Variants in RPRD1A observed in about 807,000 individuals in gnomAD.
The protein encoded by RPRD1A is regulation of nuclear pre-mRNA domain-containing protein 1A.
In RPRD1A, 9 loss-of-function variants were observed where a neutral mutation model predicts 37.8. The ratio of observed to expected loss-of-function variants is 0.24; its 90% confidence interval spans 0.14 to 0.42. The LOEUF (loss-of-function observed/expected upper bound fraction) is 0.42. RPRD1A is among the 10% of genes least tolerant of loss of function. The pLI, the probability that RPRD1A is intolerant of heterozygous loss-of-function variation, is 1.00. For synonymous variants in RPRD1A, 138 were observed against 139.7 expected, an observed-to-expected ratio of 0.99 and a Z score of 0.08; for missense variants, 255 against 371.0, an observed-to-expected ratio of 0.69 and a Z score of 2.57.
intron 1 of RPRD1A, chr18:36,064,543 A>T (rs1461851203): frequency 1.3e-5 from 2 of 152,274 alleles, no homozygotes; most frequent in East Asian, 3.8e-4. Context: ...GTTTGTAAAC[A>T]CACCAATCAG....
intron 1 of RPRD1A, among the ~76,000 whole-genome samples, chr18:36,051,740 A>C (rs6507157): frequency 0.23 from 35,071 of 152,118 alleles, 4,087 homozygotes; most frequent in East Asian, 0.25. Flanking sequence ...GACACCATGG[A>C]TAATGTCAAA....
rs546003072 is a variant in RPRD1A, at chr18:36,052,366, G to T, written c.151+14888C>A. Among the ~76,000 whole-genome samples, 39 of 151,116 alleles carry T rather than the reference G, an allele frequency of 2.6e-4. No individual in the cohort carries two copies. In the East Asian group the frequency reaches 7.0e-3, roughly 27 times the overall value. On this transcript the variant is annotated intron_variant, in intron 1 of 6. Coordinates refer to ENST00000399022, the MANE Select transcript of RPRD1A (RefSeq NM_018170.5). Reference sequence around the variant, plus strand: ...GTAACTAGAAGCCATAAGAAATAACGAACATCAATAAAGGTAACTCCCTAA... The same window carrying T: ...GTAACTAGAAGCCATAAGAAATAACTAACATCAATAAAGGTAACTCCCTAA...
intron 1 of RPRD1A, among the ~76,000 whole-genome samples, chr18:36,055,202 C>G (rs1182506484): frequency 6.6e-6 from 1 of 152,116 alleles, no homozygotes; most frequent in African/African-American, 2.4e-5. Flanking sequence ...AAATACTGTC[C>G]TTGACAAAAA....
chr18:36,033,838 C>A lies in RPRD1A; in HGVS notation c.152-1G>T. On this transcript the variant is annotated splice_acceptor_variant, in intron 1 of 6. Coordinates refer to ENST00000399022, the MANE Select transcript of RPRD1A (RefSeq NM_018170.5). LOFTEE classifies it high-confidence loss of function. ...AAAGTAAGCTTCCTGTTTGGTTTGG[C>A]TGAAAAATAAGAAAAAGTTAAAAAT... The A allele has an allele frequency of 1.3e-6, 2 of 1,595,280 alleles. No individual in the cohort carries two copies. Among genetic ancestry groups the A allele is most frequent in the South Asian group, 1.1e-5 (1 of 87,952 alleles).
chr18:36,053,330 T>C (rs1006442521), intron 1 of RPRD1A, among the ~76,000 whole-genome samples: 1 of 152,224 alleles, frequency 6.6e-6, no homozygotes. Flanking sequence ...TAAGTAGTTA[T>C]TCCCCATTCC....
intron 1 of RPRD1A, among the ~76,000 whole-genome samples, chr18:36,037,488 C>T (rs1271667830): frequency 1.3e-5 from 2 of 152,208 alleles, no homozygotes; most frequent in Non-Finnish European, 2.9e-5. Context: ...TCAATTAAAT[C>T]TCTTTCCTTT....
intron 2 of RPRD1A, among the ~76,000 whole-genome samples, chr18:36,031,534 A>C (rs957361905): frequency 2.0e-5 from 3 of 152,208 alleles, no homozygotes; most frequent in Non-Finnish European, 4.4e-5. Flanking sequence ...AAAAGAGAAC[A>C]AAGTGCTTAA....
At chr18:36,015,741 T>C (rs994554540) in intron 6 of RPRD1A, among the ~76,000 whole-genome samples, 1 of 152,208 alleles carries the variant, frequency 6.6e-6, no homozygotes, top group African/African-American at 2.4e-5. Flanking sequence ...CTGTATGCTT[T>C]CCCTTATATA....
chr18:36,024,264 A>G (rs1271938547), intron 6 of RPRD1A, among the ~76,000 whole-genome samples: 1 of 151,124 alleles, frequency 6.6e-6, no homozygotes, highest in Admixed American at 6.6e-5. Flanking sequence ...CTGCTGCCTC[A>G]GCCTCCCAAG....
At chr18:36,040,784 G>A (rs1287793661) in intron 1 of RPRD1A, 4 of 1,433,320 alleles carry the variant, frequency 2.8e-6, no homozygotes, top group African/African-American at 2.9e-5. Context: ...TTACATAGAA[G>A]AAAAGTGTTT....
At chr18:36,054,986 G>A (rs989547392) in intron 1 of RPRD1A, among the ~76,000 whole-genome samples, 11 of 152,098 alleles carry the variant, frequency 7.2e-5, no homozygotes, top group Non-Finnish European at 1.5e-4. Flanking sequence ...CACTAGGGAG[G>A]GCATCTGTTT....
At chr18:36,002,710 G>GT (rs751279943) in intron 6 of RPRD1A, among the ~76,000 whole-genome samples, 2 of 152,172 alleles carry the variant, frequency 1.3e-5, no homozygotes, top group Non-Finnish European at 2.9e-5. Context: ...TGTGCCATAT[G>GT]TAAGTCTGGT....
intron 1 of RPRD1A, among the ~76,000 whole-genome samples, chr18:36,043,601 A>C (rs536348596): frequency 6.6e-6 from 1 of 152,216 alleles, no homozygotes; most frequent in Non-Finnish European, 1.5e-5. Flanking sequence ...TACACTGTCA[A>C]CTGGAACAGT....
At chr18:36,044,097 T>C (rs1162271075) in intron 1 of RPRD1A, among the ~76,000 whole-genome samples, 3 of 152,186 alleles carry the variant, frequency 2.0e-5, no homozygotes, top group Admixed American at 6.5e-5. Flanking sequence ...GGTGTTTTCA[T>C]CAAAAAGGTT....
intron 1 of RPRD1A, among the ~76,000 whole-genome samples, chr18:36,051,249 C>G (rs776924563): frequency 3.3e-4 from 50 of 152,210 alleles, no homozygotes; most frequent in Admixed American, 3.3e-4. Context: ...GACAAAAAAG[C>G]CTAAGTAGTA....
rs926476500 is a variant in RPRD1A, at chr18:36,046,697, G to A, written c.152-12860C>T. On this transcript the variant is annotated intron_variant, in intron 1 of 6. Coordinates refer to ENST00000399022, the MANE Select transcript of RPRD1A (RefSeq NM_018170.5). Reference sequence around the variant, plus strand: ...AAAAAAAAAACAAAATCAGCCAGGCGTGGTGACACACACCTGTAATCCCAG... The same window carrying A: ...AAAAAAAAAACAAAATCAGCCAGGCATGGTGACACACACCTGTAATCCCAG... 4.6e-5 allele frequency among the ~76,000 whole-genome samples: 7 copies of A among 151,684 alleles called. No individual in the cohort carries two copies. In the East Asian group the frequency reaches 5.8e-4, roughly 13 times the overall value.
intron 6 of RPRD1A, among the ~76,000 whole-genome samples, chr18:36,011,373 A>C (rs1208236814): frequency 6.6e-6 from 1 of 152,202 alleles, no homozygotes; most frequent in Non-Finnish European, 1.5e-5. Flanking sequence ...TTTAAGACCA[A>C]AGTCAACCAG....
chr18:36,043,201 G>C (rs529034447), intron 1 of RPRD1A, among the ~76,000 whole-genome samples: 5 of 139,760 alleles, frequency 3.6e-5, no homozygotes, highest in Admixed American at 7.2e-5. Context: ...AGAATCGGGG[G>C]GGGGGGAAGA....
chr18:36,066,295 C>T (rs1412097595), intron 1 of RPRD1A, among the ~76,000 whole-genome samples: 3 of 152,208 alleles, frequency 2.0e-5, no homozygotes. Flanking sequence ...TACGTACATA[C>T]ATCATATAGC....
Sources: allele counts gnomAD v4.1 joint callset (sites outside exome capture counted in the v4.1 genomes callset), GRCh38; gene constraint gnomAD v4.1.1; transcripts MANE v1.5; gene names NCBI Gene and HGNC (gene_info 2026-07-23, HGNC 2026-07-21).